Variants in LMAN2L observed in about 807,000 individuals in gnomAD.
LMAN2L encodes the protein VIP36-like protein.
LMAN2L carries 30 observed loss-of-function variants against 44.3 expected under a neutral mutation model. The ratio of observed to expected loss-of-function variants is 0.68; its 90% CI spans 0.51 to 0.92. The LOEUF is 0.92. Among genes scored for constraint, LMAN2L ranks in the 40% least tolerant of loss-of-function variants. The pLI is 0.00. For synonymous variants in LMAN2L, 183 were observed against 171.1 expected (o/e 1.07, Z -0.54); for missense variants, 429 against 446.1 (o/e 0.96, Z 0.35).
At chr2:96,717,533 G>GAA (rs763461930) in intron 4 of LMAN2L, among the ~76,000 whole-genome samples, 34 of 111,050 alleles carry the variant, frequency 3.1e-4, no homozygotes, top group African/African-American at 5.5e-4. Flanking sequence ...CCCTGTGTCG[G>GAA]AAAAAAAAAA....
At position 96,710,620 on chromosome 2, in the gene LMAN2L, C is replaced by T. The variant is rs529168695; in HGVS notation, c.784+1036G>A. On this transcript the variant is annotated intron_variant, in intron 6 of 7. Transcript: ENST00000264963. ...TGGAGGTTGCAGTGAGCTGACATGG[C>T]GCCACTGCACCCCAGCCTGGCGACA... is the stretch of plus-strand genomic sequence containing the variant. 5.9e-5 allele frequency among the ~76,000 whole-genome samples: 9 copies of T among 152,058 alleles called. No individual in the cohort carries two copies. In the South Asian group the frequency reaches 1.0e-3, roughly 18 times the overall value.
At chr2:96,736,184 C>T (rs1416597151) in intron 2 of LMAN2L, among the ~76,000 whole-genome samples, 1 of 152,158 alleles carries the variant, frequency 6.6e-6, no homozygotes, top group Non-Finnish European at 1.5e-5. Flanking sequence ...CTGTTTTGCT[C>T]AGGACCATGT....
intron 2 of LMAN2L, among the ~76,000 whole-genome samples, chr2:96,736,130 G>C (rs917194589): frequency 4.6e-5 from 7 of 152,202 alleles, no homozygotes; most frequent in Non-Finnish European, 1.0e-4. Flanking sequence ...TGAGCCAAGA[G>C]GTGTCTGTCA....
chr2:96,718,461 T>G (rs2078086545), intron 4 of LMAN2L, among the ~76,000 whole-genome samples: 1 of 152,170 alleles, frequency 6.6e-6, no homozygotes, highest in Admixed American at 6.6e-5. Flanking sequence ...ACGCTTTTGT[T>G]TTTTCAGCAT....
intron 2 of LMAN2L, among the ~76,000 whole-genome samples, chr2:96,736,389 C>T (rs1428747111): frequency 1.3e-5 from 2 of 152,160 alleles, no homozygotes; most frequent in Non-Finnish European, 2.9e-5. Context: ...AACTCAGAAA[C>T]AAGCCCATAG....
At chr2:96,715,817 G>T (rs2078028378) in intron 4 of LMAN2L, among the ~76,000 whole-genome samples, 1 of 152,234 alleles carries the variant, frequency 6.6e-6, no homozygotes, top group South Asian at 2.1e-4. Flanking sequence ...TAATTAGGGA[G>T]ACCTGAGTTC....
At chr2:96,718,636 A>G (rs2078089985) in intron 4 of LMAN2L, among the ~76,000 whole-genome samples, 1 of 152,218 alleles carries the variant, frequency 6.6e-6, no homozygotes, top group Non-Finnish European at 1.5e-5. Flanking sequence ...TCACTTTTTC[A>G]AAGCTGTATA....
At chr2:96,709,522 A>T (rs2077866205) in intron 6 of LMAN2L, among the ~76,000 whole-genome samples, 1 of 152,092 alleles carries the variant, frequency 6.6e-6, no homozygotes, top group African/African-American at 2.4e-5. Flanking sequence ...TTATAAGGAG[A>T]GCATCCACAG....
chr2:96,716,328 A>G (rs527558903), intron 4 of LMAN2L, among the ~76,000 whole-genome samples: 1 of 151,916 alleles, frequency 6.6e-6, no homozygotes, highest in South Asian at 2.1e-4. Flanking sequence ...TACATTTAGC[A>G]CTTAAGAAAA....
intron 4 of LMAN2L, among the ~76,000 whole-genome samples, chr2:96,714,064 A>C (rs1460415148): frequency 2.0e-5 from 3 of 152,374 alleles, no homozygotes; most frequent in South Asian, 2.1e-4. Context: ...GAATGGAATT[A>C]AGATCAGAGT....
At chr2:96,710,054 C>CT (rs1272689429) in intron 6 of LMAN2L, among the ~76,000 whole-genome samples, 1 of 152,198 alleles carries the variant, frequency 6.6e-6, no homozygotes, top group Non-Finnish European at 1.5e-5. Flanking sequence ...CCTGCCGAGA[C>CT]TAAATTTTTC....
At chr2:96,733,832 T>C (rs1262358162) in intron 3 of LMAN2L, among the ~76,000 whole-genome samples, 1 of 152,186 alleles carries the variant, frequency 6.6e-6, no homozygotes, top group East Asian at 1.9e-4. Context: ...AGAAGGCCAC[T>C]GCAACCTTAT....
At chr2:96,724,176 T>C (rs1406393403) in intron 4 of LMAN2L, among the ~76,000 whole-genome samples, 4 of 152,240 alleles carry the variant, frequency 2.6e-5, no homozygotes, top group Admixed American at 1.3e-4. Context: ...TTCTATTCCA[T>C]TGATCTGTAT....
intron 2 of LMAN2L, among the ~76,000 whole-genome samples, chr2:96,735,687 A>T (rs980647020): frequency 1.3e-5 from 2 of 152,026 alleles, no homozygotes; most frequent in Admixed American, 6.6e-5. Flanking sequence ...AAAATACAAA[A>T]AATTAGCCGG....
chr2:96,725,039 C>T (rs1053140401), intron 4 of LMAN2L, among the ~76,000 whole-genome samples: 11 of 151,846 alleles, frequency 7.2e-5, no homozygotes, highest in Non-Finnish European at 1.0e-4. Context: ...CACCGTGTTA[C>T]CCAGGATGGT....
chr2:96,738,628 T>C (rs934892579), intron 1 of LMAN2L, among the ~76,000 whole-genome samples: 2 of 152,292 alleles, frequency 1.3e-5, no homozygotes, highest in African/African-American at 2.4e-5. Context: ...TGAGCCATGA[T>C]TGTGCCACTG....
At chr2:96,721,922 G>C (rs1173178627) in intron 4 of LMAN2L, among the ~76,000 whole-genome samples, 2 of 152,230 alleles carry the variant, frequency 1.3e-5, no homozygotes, top group South Asian at 2.1e-4. Context: ...GAGTTGGAGG[G>C]GGGGTGGTTT....
At chr2:96,737,327 G>C in intron 2 of LMAN2L, 1 of 359,448 alleles carries the variant, frequency 2.8e-6, no homozygotes, top group Non-Finnish European at 5.4e-6. Flanking sequence ...ACAAGATGGG[G>C]ATGCTGGGAT....
At chr2:96,724,836 T>TTTATTC (rs2078233835) in intron 4 of LMAN2L, among the ~76,000 whole-genome samples, 1 of 151,200 alleles carries the variant, frequency 6.6e-6, no homozygotes, top group South Asian at 2.1e-4. Context: ...TATTTTTATT[T>TTTATTC]ATTTATTTTT....
Sources: gnomAD v4.1 joint callset for allele counts (sites outside exome capture counted in the v4.1 genomes callset) on GRCh38, gnomAD v4.1.1 for gene constraint, MANE v1.5 for transcripts, NCBI Gene and HGNC (gene_info 2026-07-23, HGNC 2026-07-21) for gene names.